RYR2: variants seen among roughly 807,000 people sequenced by gnomAD.
RYR2 encodes the protein cardiac muscle ryanodine receptor-calcium release channel.
A neutral mutation model predicts 601.1 loss-of-function variants in RYR2; 227 were observed. The ratio of observed to expected loss-of-function variants is 0.38; its 90% confidence interval spans 0.34 to 0.42. The LOEUF (loss-of-function observed/expected upper bound fraction) is 0.42. Among genes scored for constraint, RYR2 ranks in the 10% least tolerant of loss-of-function variants. The pLI is 1.00. For missense variants in RYR2, 4,646 were observed against 6,156.5 expected (o/e 0.75, Z 8.21); for synonymous variants, 2,223 against 2,175.1 (o/e 1.02, Z -0.61).
rs1193179112 is a variant in RYR2 at position 237,143,767 on chromosome 1, CCT to C, written c.48+101199_48+101200del. ...AATACATCACCCAACTCAAATACCC[CCT>C]GTCTGACCAGTGTTGGGGAAAAAGA... On this transcript the variant is annotated intron_variant, in intron 1 of 104. Coordinates refer to ENST00000366574, the MANE Select transcript of RYR2 (RefSeq NM_001035.3). Among the ~76,000 whole-genome samples, 4 of 152,268 alleles carry C rather than the reference CCT, an allele frequency of 2.6e-5. No individual in the cohort carries two copies. The East Asian group carries it at 7.7e-4, about 29-fold the overall frequency.
At chr1:237,321,420 T>G (rs934194985) in intron 2 of RYR2, among the ~76,000 whole-genome samples, 5 of 152,130 alleles carry the variant, frequency 3.3e-5, no homozygotes, top group African/African-American at 1.2e-4. Flanking sequence ...TTTCTTAACT[T>G]GGAGCCCAAC....
At chr1:237,816,861 G>T (rs925555307) in intron 100 of RYR2, among the ~76,000 whole-genome samples, 5 of 152,146 alleles carry the variant, frequency 3.3e-5, no homozygotes, top group African/African-American at 4.8e-5. Context: ...TACAGCAGTA[G>T]CTTCAGGATA....
At chr1:237,410,886 T>C (rs1159176206) in intron 10 of RYR2, among the ~76,000 whole-genome samples, 1 of 152,208 alleles carries the variant, frequency 6.6e-6, no homozygotes, top group Non-Finnish European at 1.5e-5. Flanking sequence ...ATCTATATAA[T>C]GTATGCATTC....
chr1:237,635,734 G>A (rs1175435308), intron 44 of RYR2, among the ~76,000 whole-genome samples: 4 of 152,170 alleles, frequency 2.6e-5, no homozygotes, highest in Admixed American at 2.6e-4. Context: ...AATCAAAGAT[G>A]TTGCAATAGC....
Position 237,792,382 on chromosome 1 carries a change from C to CGTGTGTGTGTGTGTGTGTGTGTGT in RYR2, c.13782+74_13782+75insTGTGTGTGTGTGTGTGTGTGTGTG, listed in dbSNP as rs1359233766. ...GTGTGTGTGTGTGTGTGTGTGTGTG[C>CGTGTGTGTGTGTGTGTGTGTGTGT]GTGTGTGTGTGTGTGCGTGTGTGTG... On this transcript the variant is annotated intron_variant, in intron 94 of 104. Transcript: ENST00000366574. 4 of 667,132 alleles carry CGTGTGTGTGTGTGTGTGTGTGTGT rather than the reference C, an allele frequency of 6.0e-6. 1 individual carries two copies. The Admixed American group carries it at 1.0e-4, about 17-fold the overall frequency. The allele number at this position is 667,132 out of a possible 1,614,324, so 41.3% of individuals were successfully genotyped here. A position where few individuals can be genotyped will look rare whatever the true frequency, so the allele number is the denominator to read the frequency against.
chr1:237,372,858 C>T (rs1018106332), intron 6 of RYR2, among the ~76,000 whole-genome samples: 1 of 152,180 alleles, frequency 6.6e-6, no homozygotes, highest in Non-Finnish European at 1.5e-5. Context: ...TATTTGGCAT[C>T]TACTATGTGC....
chr1:237,168,557 G>A (rs896647091), intron 1 of RYR2, among the ~76,000 whole-genome samples: 4 of 152,072 alleles, frequency 2.6e-5, no homozygotes, highest in Non-Finnish European at 4.4e-5. Flanking sequence ...GCCTTTCGCC[G>A]AGAGGAATAT....
At chr1:237,798,966 T>A (rs1659622443) in intron 97 of RYR2, among the ~76,000 whole-genome samples, 1 of 152,246 alleles carries the variant, frequency 6.6e-6, no homozygotes. Flanking sequence ...TGAGTAGGGA[T>A]GTGATGGTTA....
chr1:237,475,354 G>T (rs1020053515), intron 17 of RYR2, among the ~76,000 whole-genome samples: 1 of 150,848 alleles, frequency 6.6e-6, no homozygotes, highest in Non-Finnish European at 1.5e-5. Flanking sequence ...TTTTTGTGGG[G>T]TTTTTTAATC....
intron 3 of RYR2, among the ~76,000 whole-genome samples, chr1:237,346,385 G>A (rs1162468105): frequency 4.2e-4 from 47 of 112,872 alleles, no homozygotes; most frequent in East Asian, 6.6e-4. Context: ...AAAAAAAAAA[G>A]TGCATATCCT....
intron 1 of RYR2, among the ~76,000 whole-genome samples, chr1:237,206,961 C>G (rs146850785): frequency 6.6e-6 from 1 of 151,996 alleles, no homozygotes; most frequent in Non-Finnish European, 1.5e-5. Context: ...ATATTCATAA[C>G]GGGCTATAGA....
At chr1:237,631,391 C>T (rs10925476) in intron 41 of RYR2, 36 bp from the exon 42 acceptor site, 3 of 1,346,510 alleles carry the variant, frequency 2.2e-6, no homozygotes, top group Non-Finnish European at 3.2e-6. Context: ...AGATGTTGCT[C>T]TGAGCTTTAC....
At chr1:237,638,980 A>T in intron 45 of RYR2, 35 bp from the exon 46 acceptor site, 1 of 1,605,296 alleles carries the variant, frequency 6.2e-7, no homozygotes, top group Non-Finnish European at 8.5e-7. Flanking sequence ...CCATATAATC[A>T]TATTTGTTTA....
chr1:237,642,891 A>G lies in RYR2; in HGVS notation c.7222-436A>G, dbSNP rs114654297. 3.0e-3 allele frequency among the ~76,000 whole-genome samples: 458 copies of G among 152,354 alleles called. 2 individuals are homozygous for G. The highest frequency in any genetic ancestry group is 0.01 in the African/African-American group (435 of 41,588). ...ATATGCAATTCATTTCTTAGCACAAAGCAAGAAAGAAGCTAATTTGGTCAT... is the reference window on the plus strand; with the variant it reads ...ATATGCAATTCATTTCTTAGCACAAGGCAAGAAAGAAGCTAATTTGGTCAT... On this transcript the variant is annotated intron_variant, in intron 47 of 104. Transcript: ENST00000366574.
rs187974193 is a variant in RYR2 at position 237,514,240 on chromosome 1, T to A, written c.2822+2449T>A. On this transcript the variant is annotated intron_variant, in intron 24 of 104. Transcript: ENST00000366574. ...AGTGCATTCCCTATTATTTTAGCAA[T>A]TGACAGCTAAGCCAGCTATAGCAGA... 2.4e-3 allele frequency among the ~76,000 whole-genome samples: 358 copies of A among 152,336 alleles called. 3 individuals carry two copies. Among genetic ancestry groups the A allele is most frequent in the African/African-American group, 8.3e-3 (345 of 41,572 alleles).
intron 29 of RYR2, among the ~76,000 whole-genome samples, chr1:237,577,533 T>TGC (rs1444636419): frequency 1.2e-5 from 1 of 81,458 alleles, no homozygotes; most frequent in African/African-American, 4.2e-5. Flanking sequence ...TGTGTGTGTG[T>TGC]GTGCGTGTGT....
chr1:237,477,684 C>G (rs554006633), intron 17 of RYR2, among the ~76,000 whole-genome samples: 16 of 152,286 alleles, frequency 1.1e-4, no homozygotes, highest in Admixed American at 1.3e-4. Context: ...TGTTACCTAC[C>G]TAAGGTACAT....
At chr1:237,804,971 G>T (rs776148976) in intron 98 of RYR2, among the ~76,000 whole-genome samples, 6 of 152,116 alleles carry the variant, frequency 3.9e-5, no homozygotes, top group Non-Finnish European at 8.8e-5. Context: ...GACATTTTTG[G>T]TTGTCATGAC....
At chr1:237,425,694 C>A (rs1558797104) in intron 12 of RYR2, among the ~76,000 whole-genome samples, 1 of 151,384 alleles carries the variant, frequency 6.6e-6, no homozygotes, top group East Asian at 1.9e-4. Context: ...GGAAGTGGAC[C>A]ATCAACAAAA....
Sources: gnomAD v4.1 joint callset for allele counts (sites outside exome capture counted in the v4.1 genomes callset) on GRCh38, gnomAD v4.1.1 for gene constraint, MANE v1.5 for transcripts, NCBI Gene and HGNC (gene_info 2026-07-23, HGNC 2026-07-21) for gene names.